Variants in OSBPL3 observed in about 807,000 individuals in gnomAD.
OSBPL3 encodes oxysterol binding protein like 3.
OSBPL3 carries 65 observed loss-of-function variants against 120.1 expected under a neutral mutation model. The ratio of observed to expected loss-of-function variants is 0.54; its 90% confidence interval spans 0.44 to 0.67. The LOEUF (loss-of-function observed/expected upper bound fraction) is 0.67, where lower values mean the gene tolerates loss of function less well. OSBPL3 is among the 30% of genes least tolerant of loss of function. OSBPL3 has a pLI of 0.00. For missense variants in OSBPL3, 1,004 were observed against 1,082.1 expected, an observed-to-expected ratio of 0.93 and a Z score of 1.01; for synonymous variants, 416 against 402.6, an observed-to-expected ratio of 1.03 and a Z score of -0.40.
intron 1 of OSBPL3, among the ~76,000 whole-genome samples, chr7:24,978,875 C>T (rs1817875489): frequency 6.6e-6 from 1 of 152,216 alleles, no homozygotes; most frequent in South Asian, 2.1e-4. Context: ...AGACTGGTGG[C>T]TTGTGAGGCG....
At position 24,894,001 on chromosome 7, in the gene OSBPL3, T is replaced by C. The variant is rs1451387126; in HGVS notation, c.-149-1380A>G. Among the ~76,000 whole-genome samples, 1 of 152,086 alleles carries C rather than the reference T, an allele frequency of 6.6e-6. No individual in the cohort carries two copies. Among genetic ancestry groups the C allele is most frequent in the Non-Finnish European group, 1.5e-5 (1 of 68,020 alleles). On this transcript the variant is annotated intron_variant, in intron 1 of 22. Transcript: ENST00000313367. This position sits in a 1 kb window ranked among gnomAD's most constrained non-coding sequence, Gnocchi z 4.1. Reference sequence around the variant, plus strand: ...AAATATACATACATATATATATATATCTCCAACCCATTCCATTATTAATGT... The same window carrying C: ...AAATATACATACATATATATATATACCTCCAACCCATTCCATTATTAATGT...
intron 14 of OSBPL3, among the ~76,000 whole-genome samples, chr7:24,839,391 GACACTCCAGATATTCCACAGT>G (rs1797412782): frequency 6.6e-6 from 1 of 152,180 alleles, no homozygotes; most frequent in African/African-American, 2.4e-5. Context: ...GGGCTAGCCA[GACACTCCAGATATTCCACAGT>G]TCGAACTAGC....
At chr7:24,895,654 G>A (rs1806031347) in intron 1 of OSBPL3, among the ~76,000 whole-genome samples, 1 of 152,162 alleles carries the variant, frequency 6.6e-6, no homozygotes, top group Non-Finnish European at 1.5e-5. Flanking sequence ...ACAGGGATGG[G>A]CTGGGGTCAC....
intron 1 of OSBPL3, among the ~76,000 whole-genome samples, chr7:24,963,615 G>A (rs931185457): frequency 6.6e-6 from 1 of 152,174 alleles, no homozygotes; most frequent in Non-Finnish European, 1.5e-5. Context: ...TCTGAGTGGT[G>A]GAATCTGCCA....
In OSBPL3 at chr7:24,966,370, A is replaced by C. The variant is rs1185055623; in HGVS notation, c.-150+13516T>G. On this transcript the variant is annotated intron_variant, in intron 1 of 22. Transcript: ENST00000313367. This position sits in a 1 kb window ranked among gnomAD's most constrained non-coding sequence, Gnocchi z 4.8. ...TAAAGATCTATCTACACCTAGCTAC[A>C]CACACCCAGGAAAATAAGACCTCTG... is the stretch of plus-strand genomic sequence containing the variant. 6.6e-6 allele frequency among the ~76,000 whole-genome samples: 1 copy of C among 152,230 alleles called. No individual in the cohort carries two copies. Among genetic ancestry groups the C allele is most frequent in the Non-Finnish European group, 1.5e-5 (1 of 68,036 alleles).
intron 19 of OSBPL3, among the ~76,000 whole-genome samples, chr7:24,814,487 AC>A (rs1487210925): frequency 2.0e-5 from 3 of 152,104 alleles, no homozygotes; most frequent in Admixed American, 6.5e-5. Context: ...GGTAAACCAT[AC>A]CTAATGTAAC....
intron 1 of OSBPL3, among the ~76,000 whole-genome samples, chr7:24,970,208 A>G (rs1197320784): frequency 6.7e-6 from 1 of 148,602 alleles, no homozygotes; most frequent in Non-Finnish European, 1.5e-5. Flanking sequence ...CCCCGGTTCA[A>G]GCGATTCTTC....
chr7:24,900,770 C>A lies in OSBPL3; in HGVS notation c.-149-8149G>T, dbSNP rs559802142. Among the ~76,000 whole-genome samples the A allele has an allele frequency of 2.6e-5, 4 of 152,050 alleles. No homozygotes were observed. Among genetic ancestry groups the A allele is most frequent in the African/African-American group, 9.6e-5 (4 of 41,464 alleles). On this transcript the variant is annotated intron_variant, in intron 1 of 22. Transcript: ENST00000313367. The surrounding 1 kb of genome is among the most constrained non-coding windows in gnomAD (Gnocchi z 4.5). ...ATCGCTTGAGCTCACGAGTTCAAGA[C>A]CAGCCTGGGCAACAAGGCGAAACCC...
At chr7:24,897,061 G>A (rs1806240363) in intron 1 of OSBPL3, among the ~76,000 whole-genome samples, 2 of 150,262 alleles carry the variant, frequency 1.3e-5, no homozygotes, top group Non-Finnish European at 3.0e-5. Context: ...GGGAAGGAGG[G>A]AGAGAGGGAG....
intron 1 of OSBPL3, among the ~76,000 whole-genome samples, chr7:24,951,908 G>C (rs1814491325): frequency 6.6e-6 from 1 of 152,174 alleles, no homozygotes; most frequent in Non-Finnish European, 1.5e-5. Flanking sequence ...CTTCCAGTGA[G>C]ACCTCAAATG....
chr7:24,913,071 G>C lies in OSBPL3; in HGVS notation c.-149-20450C>G, dbSNP rs1379170683. On this transcript the variant is annotated intron_variant, in intron 1 of 22. Transcript: ENST00000313367. The surrounding 1 kb of genome is among the most constrained non-coding windows in gnomAD (Gnocchi z 5.3). Reference sequence around the variant, plus strand: ...AGCATCAACCCGCAGACATGTGACTGAGCAAGGATTCAAATGTCCCAGCCT... The same window carrying C: ...AGCATCAACCCGCAGACATGTGACTCAGCAAGGATTCAAATGTCCCAGCCT... Among the ~76,000 whole-genome samples the C allele has an allele frequency of 6.6e-6, 1 of 152,200 alleles. No homozygotes were observed. Among genetic ancestry groups the C allele is most frequent in the Non-Finnish European group, 1.5e-5 (1 of 68,038 alleles).
chr7:24,899,219 C>T lies in OSBPL3; in HGVS notation c.-149-6598G>A, dbSNP rs890203594. Among the ~76,000 whole-genome samples the T allele has an allele frequency of 6.6e-6, 1 of 152,192 alleles. No homozygotes were observed. Among genetic ancestry groups the T allele is most frequent in the African/African-American group, 2.4e-5 (1 of 41,444 alleles). The stretch of plus-strand genomic sequence containing the variant: ...TAACAGTGATGCCCAGATTTAAAGA[C>T]AAGCTCTAGGTGTGGTCTGGACAGA... On this transcript the variant is annotated intron_variant, in intron 1 of 22. Coordinates refer to ENST00000313367, the MANE Select transcript of OSBPL3 (RefSeq NM_015550.4). This position sits in a 1 kb window ranked among gnomAD's most constrained non-coding sequence, Gnocchi z 4.0.
At position 24,821,886 on chromosome 7, in the gene OSBPL3, T is replaced by G. The variant is rs370681622; in HGVS notation, c.1885-1648A>C. 6.6e-6 allele frequency among the ~76,000 whole-genome samples: 1 copy of G among 152,206 alleles called. No homozygotes were observed. Among genetic ancestry groups the G allele is most frequent in the Non-Finnish European group, 1.5e-5 (1 of 68,040 alleles). ...TTTCCTTTGATGTTGTCTTTTTTCT[T>G]TTTTTGAGACAGGGTCTCCCTCTGC... On this transcript the variant is annotated intron_variant, in intron 16 of 22. Transcript: ENST00000313367. The surrounding 1 kb of genome is among the most constrained non-coding windows in gnomAD (Gnocchi z 5.5).
In OSBPL3 at chr7:24,797,768, A is replaced by G. The variant is rs1031196318; in HGVS notation, c.*2415T>C. ...AAAGAGGTTAAAACATGTAACTCAA[A>G]TGGTACAGTGATTAGCATTATTTAA... On this transcript the variant is annotated 3_prime_UTR_variant, in exon 23 of 23. Transcript: ENST00000313367. The surrounding 1 kb of genome is among the most constrained non-coding windows in gnomAD (Gnocchi z 4.8). 3.3e-5 allele frequency: 5 copies of G among 152,214 alleles called. No individual in the cohort carries two copies. Among genetic ancestry groups the G allele is most frequent in the Non-Finnish European group, 5.9e-5 (4 of 68,036 alleles). The allele number at this position is 152,214 out of a possible 1,614,324, so 9.4% of individuals were successfully genotyped here.
Position 24,820,128 on chromosome 7 carries a change from T to C in OSBPL3, c.1948+47A>G, listed in dbSNP as rs902380976. On this transcript the variant is annotated intron_variant, in intron 17 of 22. Transcript: ENST00000313367. The surrounding 1 kb of genome is among the most constrained non-coding windows in gnomAD (Gnocchi z 4.6). ...GCAATTCTTGGATAAAATAAATAGA[T>C]AACATATTACACAATATGATGGAAG... is the stretch of plus-strand genomic sequence containing the variant. 4.7e-6 allele frequency: 6 copies of C among 1,271,302 alleles called. No homozygotes were observed. The highest frequency in any genetic ancestry group is 6.8e-6 in the Non-Finnish European group (6 of 878,486). 78.8% of individuals were successfully genotyped at this position (1,271,302 alleles called of 1,614,324 possible).
In OSBPL3 at chr7:24,827,342, G is replaced by A. The variant is rs1257760209; in HGVS notation, c.1884+3426C>T. Among the ~76,000 whole-genome samples, 2 of 152,246 alleles carry A rather than the reference G, an allele frequency of 1.3e-5. No individual in the cohort carries two copies. Among genetic ancestry groups the A allele is most frequent in the Admixed American group, 6.5e-5 (1 of 15,288 alleles). On this transcript the variant is annotated intron_variant, in intron 16 of 22. Transcript: ENST00000313367. The surrounding 1 kb of genome is among the most constrained non-coding windows in gnomAD (Gnocchi z 5.1). ...AAATGCTCTGGCACTCTCTTCAGAT[G>A]TGTTAAATTAGAATAGACAGCATTG... is the stretch of plus-strand genomic sequence containing the variant.
rs1278245814 is a variant in OSBPL3, at chr7:24,863,974, A to G, written c.674-375T>C. On this transcript the variant is annotated intron_variant, in intron 7 of 22. Transcript: ENST00000313367. This position sits in a 1 kb window ranked among gnomAD's most constrained non-coding sequence, Gnocchi z 5.8. ...CTTAGAAGAGTGTTTGGCACAGAGT[A>G]AGAACTAAATAAATCAACCATCATC... 6.6e-6 allele frequency among the ~76,000 whole-genome samples: 1 copy of G among 152,238 alleles called. No individual in the cohort carries two copies. The highest frequency in any genetic ancestry group is 2.4e-5 in the African/African-American group (1 of 41,466).
At chr7:24,941,108 C>T (rs61709259) in intron 1 of OSBPL3, among the ~76,000 whole-genome samples, 212 of 152,324 alleles carry the variant, frequency 1.4e-3, no homozygotes, top group African/African-American at 4.3e-3. Flanking sequence ...CGTGAGCCAC[C>T]GCACCCGGCC....
At chr7:24,845,046 T>C (rs1798237789) in intron 12 of OSBPL3, among the ~76,000 whole-genome samples, 1 of 152,174 alleles carries the variant, frequency 6.6e-6, no homozygotes, top group African/African-American at 2.4e-5. Flanking sequence ...AGTATGTTTG[T>C]AAATATGTCT....
Sources: gnomAD v4.1 joint callset for allele counts (sites outside exome capture counted in the v4.1 genomes callset) on GRCh38, gnomAD v4.1.1 for gene constraint, Gnocchi (gnomAD v3.1) non-coding constraint, MANE v1.5 for transcripts, NCBI Gene and HGNC (gene_info 2026-07-23, HGNC 2026-07-21) for gene names.